Variants in RBPJL observed in about 807,000 individuals in gnomAD.
The protein encoded by RBPJL is recombination signal binding protein for immunoglobulin kappa J region like.
In RBPJL, 50 loss-of-function variants were observed where a neutral mutation model predicts 57.6. The ratio of observed to expected loss-of-function variants is 0.87; its 90% CI spans 0.69 to 1.10. The LOEUF (loss-of-function observed/expected upper bound fraction) is 1.10, where lower values mean the gene tolerates loss of function less well. Among genes scored for constraint, RBPJL ranks in the 50% least tolerant of loss-of-function variants. The probability of loss-of-function intolerance (pLI) is 0.00; values close to 1 mark genes in which losing one functional copy is unlikely to be tolerated. For synonymous variants in RBPJL, 303 were observed against 294.4 expected (o/e 1.03, Z -0.30); for missense variants, 684 against 693.7 (o/e 0.99, Z 0.16).
intron 2 of RBPJL, chr20:45,308,515 C>A: frequency 2.0e-6 from 1 of 501,374 alleles, no homozygotes; most frequent in Non-Finnish European, 3.6e-6. Context: ...CTGGGGAGAC[C>A]GGGGCAGCCA....
chr20:45,307,787 G>A (rs912617583), intron 1 of RBPJL, among the ~76,000 whole-genome samples: 3 of 152,170 alleles, frequency 2.0e-5, no homozygotes, highest in Non-Finnish European at 2.9e-5. Flanking sequence ...GGTACATGGC[G>A]ATGTCGTGGC....
Position 45,317,139 on chromosome 20 carries a change from A to T in RBPJL, c.*180A>T, listed in dbSNP as rs1208038437. The T allele has an allele frequency of 1.5e-6, 1 of 667,388 alleles. No individual in the cohort carries two copies. Among genetic ancestry groups the T allele is most frequent in the Non-Finnish European group, 2.5e-6 (1 of 398,732 alleles). The allele number at this position is 667,388 out of a possible 1,614,324, so 41.3% of individuals were successfully genotyped here. On this transcript the variant is annotated 3_prime_UTR_variant, in exon 12 of 12. Coordinates refer to ENST00000343694, the MANE Select transcript of RBPJL (RefSeq NM_014276.4). ...CCGGCTCACTCCCTCCCTTGTCCTTACACATACAGGAAGACAAGACCTGAG... is the reference window on the plus strand; with the variant it reads ...CCGGCTCACTCCCTCCCTTGTCCTTTCACATACAGGAAGACAAGACCTGAG...
intron 2 of RBPJL, among the ~76,000 whole-genome samples, chr20:45,308,995 G>T (rs765085774): frequency 2.0e-5 from 3 of 152,106 alleles, no homozygotes; most frequent in Non-Finnish European, 2.9e-5. Flanking sequence ...TTTGGCCCCA[G>T]AAAGGCTCAG....
chr20:45,309,785 C>A, intron 3 of RBPJL, 93 bp downstream of exon 3: 1 of 1,515,070 alleles, frequency 6.6e-7, no homozygotes, highest in Non-Finnish European at 9.0e-7. Context: ...AGACGCAGAG[C>A]AGGCCTCAGG....
intron 5 of RBPJL, 111 bp downstream of exon 5, chr20:45,312,065 G>A: frequency 2.8e-6 from 4 of 1,428,782 alleles, no homozygotes; most frequent in Non-Finnish European, 2.9e-6. Flanking sequence ...GGGAGACCGG[G>A]AGGCCGGGGT....
At chr20:45,310,476 G>A (rs1479752627) in intron 3 of RBPJL, among the ~76,000 whole-genome samples, 1 of 152,014 alleles carries the variant, frequency 6.6e-6, no homozygotes, top group Non-Finnish European at 1.5e-5. Flanking sequence ...GCATGGTGGC[G>A]GGCACCTGTA....
At chr20:45,312,552 G>A (rs1024207729) in intron 6 of RBPJL, among the ~76,000 whole-genome samples, 157 bp downstream of exon 6, 1 of 152,260 alleles carries the variant, frequency 6.6e-6, no homozygotes, top group Non-Finnish European at 1.5e-5. Flanking sequence ...CTGGATGAGT[G>A]GGTGCGGCCC....
intron 9 of RBPJL, among the ~76,000 whole-genome samples, chr20:45,315,203 A>C (rs1650086142): frequency 1.3e-5 from 2 of 152,234 alleles, no homozygotes; most frequent in African/African-American, 4.8e-5. Flanking sequence ...ATAAAGACAC[A>C]GAATGTGGAA....
In RBPJL at chr20:45,313,594, C is replaced by G; in HGVS notation, c.746C>G (p.Thr249Arg). 6.2e-7 allele frequency: 1 copy of G among 1,609,302 alleles called. No homozygotes were observed. Among genetic ancestry groups the G allele is most frequent in the Non-Finnish European group, 8.5e-7 (1 of 1,177,388 alleles). Residue 249 changes from threonine to arginine, a missense_variant, in exon 7 of 12, where the codon ACG (threonine) becomes AGG (arginine). By Grantham distance (71) the Thr-to-Arg change is moderately conservative (BLOSUM62 -1). Coordinates refer to ENST00000343694, the MANE Select transcript of RBPJL (RefSeq NM_014276.4). ...VASARQWAAF[T>R]LHLADGHSAQ... is the part of the protein sequence containing the mutation. ...AGTGCACGACAGTGGGCTGCCTTCA[C>G]GCTCCACCTGGGTAATGACATCTGC... is the stretch of plus-strand genomic sequence containing the variant.
rs1194260879 is a variant in RBPJL, at chr20:45,314,426, T to C, written c.881T>C (p.Val294Ala). 2.5e-6 allele frequency: 4 copies of C among 1,613,556 alleles called. No individual in the cohort carries two copies. The highest frequency in any genetic ancestry group is 2.5e-6 in the Non-Finnish European group (3 of 1,179,690). ...ITLPPMIIRK[V>A]AKQCALLDVD... is the part of the protein sequence containing the mutation. The stretch of plus-strand genomic sequence containing the variant: ...CTTCCATTGCAGATCATCCGTAAAG[T>C]AGCAAAACAGTGTGCGCTCCTTGAT... The change falls in exon 9 of 12, where the codon GTA becomes GCA. Residue 294 changes from valine (V) to alanine (A), a missense_variant. Coordinates refer to ENST00000343694, the MANE Select transcript of RBPJL (RefSeq NM_014276.4).
Position 45,309,616 on chromosome 20 carries a change from C to T in RBPJL, c.181C>T (p.Leu61=), listed in dbSNP as rs759699328. 15 of 1,613,290 alleles carry T rather than the reference C, an allele frequency of 9.3e-6. No homozygotes were observed. The highest frequency in any genetic ancestry group is 1.3e-5 in the Non-Finnish European group (15 of 1,179,690). The change falls in exon 3 of 12, where the codon CTG becomes TTG. Residue 61 remains leucine (L), a synonymous_variant. Transcript: ENST00000343694. ...TILRGGVRRC[L]QQQCEQTVRI... ...TCTGAGGGGAGGCGTGCGCAGGTGC[C>T]TGCAGCAACAGTGTGAACAGACTGT...
At chr20:45,307,061 C>T (rs1986770927) in intron 1 of RBPJL, 117 bp downstream of exon 1, 1 of 606,084 alleles carries the variant, frequency 1.6e-6, no homozygotes, top group African/African-American at 1.9e-5. Flanking sequence ...AGGCAGCCCG[C>T]CGAACTGCAA....
intron 3 of RBPJL, among the ~76,000 whole-genome samples, chr20:45,311,027 CA>C (rs1200090128): frequency 3.0e-4 from 44 of 148,110 alleles, no homozygotes; most frequent in Admixed American, 2.6e-3. Context: ...GTGGGAGGAT[CA>C]GTTGGGGAGG....
chr20:45,307,001 ACCCCCCCACCC>A, intron 1 of RBPJL, 57 bp downstream of exon 1: 1 of 724,902 alleles, frequency 1.4e-6, no homozygotes, highest in Non-Finnish European at 1.7e-6. Flanking sequence ...ACGAAGGACC[ACCCCCCCACCC>A]CCTCCCCACT....
chr20:45,308,126 T>G lies in RBPJL; in HGVS notation c.23-17T>G. 1 of 1,587,542 alleles carries G rather than the reference T, an allele frequency of 6.3e-7. No individual in the cohort carries two copies. The highest frequency in any genetic ancestry group is 8.6e-7 in the Non-Finnish European group (1 of 1,156,756). ...AATACACTCGCCTGACCTGGCTTGA[T>G]GCCTACTCCCCTGCAGACCCCTCAG... On this transcript the variant is annotated splice_polypyrimidine_tract_variant and intron_variant, in intron 1 of 11. Transcript: ENST00000343694.
At position 45,316,024 on chromosome 20, in the gene RBPJL, G is replaced by A. The variant is rs567253214; in HGVS notation, c.1021-163G>A. 9.8e-6 allele frequency: 5 copies of A among 508,580 alleles called. No individual in the cohort carries two copies. In the East Asian group the frequency reaches 1.5e-4, roughly 16 times the overall value. The allele number at this position is 508,580 out of a possible 1,614,324, so 31.5% of individuals were successfully genotyped here. ...AACAAGCTTTCTTAACGCTAAGTGAGAGAACTTAAGGGCACTGTCCAAGCT... is the reference window on the plus strand; with the variant it reads ...AACAAGCTTTCTTAACGCTAAGTGAAAGAACTTAAGGGCACTGTCCAAGCT... On this transcript the variant is annotated intron_variant, in intron 9 of 11. Transcript: ENST00000343694.
In RBPJL at chr20:45,306,884, A is replaced by G; in HGVS notation, c.-39A>G. 1 of 1,255,294 alleles carries G rather than the reference A, an allele frequency of 8.0e-7. No individual in the cohort carries two copies. The highest frequency in any genetic ancestry group is 1.0e-6 in the Non-Finnish European group (1 of 992,042). 77.8% of individuals were successfully genotyped at this position (1,255,294 alleles called of 1,614,324 possible). On this transcript the variant is annotated 5_prime_UTR_variant, in exon 1 of 12. Transcript: ENST00000343694. ...CGACAGCAGCACTGGACTCGTCCAG[A>G]GGGCGGCGGGTGAGCGGCTGGGGCC...
At chr20:45,315,463 C>G (rs989174912) in intron 9 of RBPJL, among the ~76,000 whole-genome samples, 1 of 151,800 alleles carries the variant, frequency 6.6e-6, no homozygotes, top group Non-Finnish European at 1.5e-5. Flanking sequence ...TATCCCAGGC[C>G]GGGCCAATGG....
chr20:45,317,107 G>T lies in RBPJL; in HGVS notation c.*148G>T. The T allele has an allele frequency of 1.1e-6, 1 of 915,534 alleles. No homozygotes were observed. The highest frequency in any genetic ancestry group is 1.6e-6 in the Non-Finnish European group (1 of 615,358). The allele number at this position is 915,534 out of a possible 1,614,324, so 56.7% of individuals were successfully genotyped here. ...TCACCCTAGAAACCGGGCCTGGTGG[G>T]TCTTACCCGGCTCACTCCCTCCCTT... On this transcript the variant is annotated 3_prime_UTR_variant, in exon 12 of 12. Transcript: ENST00000343694.
Sources: allele counts gnomAD v4.1 joint callset (sites outside exome capture counted in the v4.1 genomes callset), GRCh38; gene constraint gnomAD v4.1.1; transcripts MANE v1.5; gene names NCBI Gene and HGNC (gene_info 2026-07-23, HGNC 2026-07-21).